Variants in MYO6 observed in about 807,000 individuals in gnomAD.
MYO6 encodes myosin VI.
Under a neutral mutation model 178.7 loss-of-function variants are expected in MYO6, and 74 were observed. That is an observed-to-expected ratio of 0.41 (90% confidence interval 0.34 to 0.50). The LOEUF (loss-of-function observed/expected upper bound fraction) is 0.50, where lower values mean the gene tolerates loss of function less well. MYO6 is among the 20% of genes least tolerant of loss of function. The pLI, the probability that MYO6 is intolerant of heterozygous loss-of-function variation, is 0.09. For synonymous variants in MYO6, 477 were observed against 504.6 expected (o/e 0.95, Z 0.73); for missense variants, 1,330 against 1,547.4 (o/e 0.86, Z 2.36).
At chr6:75,854,156 T>G (rs974794764) in intron 11 of MYO6, among the ~76,000 whole-genome samples, 4 of 152,050 alleles carry the variant, frequency 2.6e-5, no homozygotes, top group Non-Finnish European at 5.9e-5. Context: ...CTGCAATATA[T>G]CTTTTCCTCA....
At chr6:75,766,445 C>G (rs1468661251) in intron 1 of MYO6, among the ~76,000 whole-genome samples, 2 of 151,818 alleles carry the variant, frequency 1.3e-5, no homozygotes, top group Non-Finnish European at 2.9e-5. Context: ...AGTATTCTAA[C>G]ATAAAGGAAA....
At chr6:75,791,372 A>C (rs142632712) in intron 1 of MYO6, among the ~76,000 whole-genome samples, 2 of 152,224 alleles carry the variant, frequency 1.3e-5, no homozygotes, top group Non-Finnish European at 2.9e-5. Context: ...TATGACTTCA[A>C]TATGTATAAT....
At chr6:75,758,391 A>G (rs1045773594) in intron 1 of MYO6, among the ~76,000 whole-genome samples, 2 of 152,078 alleles carry the variant, frequency 1.3e-5, no homozygotes, top group African/African-American at 4.8e-5. Flanking sequence ...GGCTTATAGC[A>G]TTGTATGGAG....
chr6:75,874,305 G>A (rs2149330113), intron 20 of MYO6, among the ~76,000 whole-genome samples: 1 of 152,230 alleles, frequency 6.6e-6, no homozygotes, highest in South Asian at 2.1e-4. Flanking sequence ...GTCTGCACAG[G>A]GTTGGTAGAC....
chr6:75,807,149 A>G (rs1300696229), intron 1 of MYO6, among the ~76,000 whole-genome samples: 1 of 152,204 alleles, frequency 6.6e-6, no homozygotes, highest in Non-Finnish European at 1.5e-5. Context: ...GAATTTTAAA[A>G]ACATTGTTTT....
At chr6:75,798,269 CTT>C (rs2150108815) in intron 1 of MYO6, among the ~76,000 whole-genome samples, 1 of 152,170 alleles carries the variant, frequency 6.6e-6, no homozygotes, top group South Asian at 2.1e-4. Context: ...TTTTTGTTGA[CTT>C]TGTCAAAAAT....
chr6:75,772,419 G>A (rs3798455), intron 1 of MYO6, among the ~76,000 whole-genome samples: 19,304 of 151,856 alleles, frequency 0.13, 1,290 homozygotes, highest in Non-Finnish European at 0.15. Flanking sequence ...AACTTTCTTC[G>A]TAGTTCAATT....
intron 11 of MYO6, among the ~76,000 whole-genome samples, chr6:75,849,873 G>A (rs978858499): frequency 6.6e-6 from 1 of 152,066 alleles, no homozygotes; most frequent in Admixed American, 6.6e-5. Context: ...CAAAGGAGAC[G>A]GGAATTTACG....
rs563974898 is a variant in MYO6 at position 75,911,837 on chromosome 6, A to G, written c.3439+139A>G. 9.2e-6 allele frequency: 7 copies of G among 763,544 alleles called. No individual in the cohort carries two copies. The East Asian group carries it at 1.1e-4, about 12-fold the overall frequency. The allele number at this position is 763,544 out of a possible 1,614,324, so 47.3% of individuals were successfully genotyped here. The stretch of plus-strand genomic sequence containing the variant: ...GTGTTAAAGTTGTTATATCCATACT[A>G]AGATATATTTTAATTTGAGATGATG... On this transcript the variant is annotated intron_variant, in intron 33 of 34. Coordinates refer to ENST00000369977, the MANE Select transcript of MYO6 (RefSeq NM_004999.4).
At chr6:75,794,118 C>A (rs896989917) in intron 1 of MYO6, among the ~76,000 whole-genome samples, 1 of 151,910 alleles carries the variant, frequency 6.6e-6, no homozygotes, top group Non-Finnish European at 1.5e-5. Context: ...AGGACATTCC[C>A]AAGACGGTGG....
Position 75,914,691 on chromosome 6 carries a change from T to A in MYO6, c.3659-122T>A. On this transcript the variant is annotated intron_variant, in intron 34 of 34. Coordinates refer to ENST00000369977, the MANE Select transcript of MYO6 (RefSeq NM_004999.4). ...GATTTTATTAAGCAGATTTCCATCT[T>A]AGAGAAAAAGTCTTAGGAAGTTTTC... 22 of 940,522 alleles carry A rather than the reference T, an allele frequency of 2.3e-5. 2 individuals are homozygous for A. In the South Asian group the frequency reaches 3.3e-4, roughly 14 times the overall value. 58.3% of individuals were successfully genotyped at this position (940,522 alleles called of 1,614,324 possible). A position where few individuals can be genotyped will look rare whatever the true frequency, so the allele number is the denominator to read the frequency against.
At chr6:75,771,058 A>G (rs140119131) in intron 1 of MYO6, among the ~76,000 whole-genome samples, 3,231 of 148,566 alleles carry the variant, frequency 0.022, 57 homozygotes, top group Middle Eastern at 0.062. Flanking sequence ...GCTGGAGTGC[A>G]GTGATGCAAA....
intron 10 of MYO6, among the ~76,000 whole-genome samples, chr6:75,847,964 C>A (rs1409140157): frequency 2.0e-5 from 3 of 151,796 alleles, no homozygotes; most frequent in African/African-American, 7.3e-5. Context: ...TTTATCATTA[C>A]CTCATTTAAA....
chr6:75,824,903 G>A (rs773569424), intron 3 of MYO6, among the ~76,000 whole-genome samples: 21 of 152,078 alleles, frequency 1.4e-4, no homozygotes, highest in Admixed American at 5.2e-4. Context: ...GTGACTACAC[G>A]TGTGCACCAC....
At chr6:75,866,435 T>C in intron 16 of MYO6, 91 bp from the exon 17 acceptor site, 1 of 1,017,434 alleles carries the variant, frequency 9.8e-7, no homozygotes, top group Non-Finnish European at 1.5e-6. Flanking sequence ...CTGTATAATT[T>C]TAAGTGTTTT....
intron 1 of MYO6, among the ~76,000 whole-genome samples, chr6:75,753,369 A>T (rs1271287230): frequency 6.6e-6 from 1 of 151,890 alleles, no homozygotes; most frequent in Non-Finnish European, 1.5e-5. Context: ...ACACATCAAG[A>T]AGTAGAGTTA....
At chr6:75,820,747 T>A (rs1472829778) in intron 2 of MYO6, among the ~76,000 whole-genome samples, 2 of 152,126 alleles carry the variant, frequency 1.3e-5, no homozygotes, top group Admixed American at 1.3e-4. Flanking sequence ...GTTTATGAAG[T>A]TTTTCTACAG....
intron 20 of MYO6, among the ~76,000 whole-genome samples, chr6:75,877,468 T>C (rs1459732314): frequency 1.3e-5 from 2 of 151,858 alleles, no homozygotes; most frequent in Non-Finnish European, 2.9e-5. Context: ...AATTTCACCA[T>C]GTTGGCCAGG....
At chr6:75,849,902 T>C (rs548102473) in intron 11 of MYO6, among the ~76,000 whole-genome samples, 1 of 152,176 alleles carries the variant, frequency 6.6e-6, no homozygotes, top group African/African-American at 2.4e-5. Context: ...CAAAGTATGT[T>C]TACAAGGAGT....
Sources: gnomAD v4.1 joint callset for allele counts (sites outside exome capture counted in the v4.1 genomes callset) on GRCh38, gnomAD v4.1.1 for gene constraint, MANE v1.5 for transcripts, NCBI Gene and HGNC (gene_info 2026-07-23, HGNC 2026-07-21) for gene names.